Variants in STK32B observed in about 807,000 individuals in gnomAD.
STK32B encodes the protein serine/threonine-protein kinase 32B.
STK32B carries 43 observed loss-of-function variants against 52.6 expected under a neutral mutation model. The ratio of observed to expected loss-of-function variants is 0.82; its 90% CI spans 0.64 to 1.05. STK32B has a LOEUF of 1.05. Among genes scored for constraint, STK32B ranks in the 50% least tolerant of loss-of-function variants. STK32B has a pLI of 0.00. For synonymous variants in STK32B, 238 were observed against 204.3 expected, an observed-to-expected ratio of 1.17 and a Z score of -1.41; for missense variants, 621 against 534.6, an observed-to-expected ratio of 1.16 and a Z score of -1.59.
In STK32B at chr4:5,191,543, C is replaced by T. The variant is rs376135187; in HGVS notation, c.260+23093C>T. Among the ~76,000 whole-genome samples, 367 of 151,954 alleles carry T rather than the reference C, an allele frequency of 2.4e-3. 2 individuals carry two copies. The highest frequency in any genetic ancestry group is 4.6e-3 in the Non-Finnish European group (312 of 67,942). On this transcript the variant is annotated intron_variant, in intron 3 of 11. Transcript: ENST00000282908. ...TGCTGGGATTACAGGTGTGAGCCAC[C>T]GCGCCTTGCCTCCTGCATTCCTTTT...
intron 11 of STK32B, among the ~76,000 whole-genome samples, chr4:5,483,486 T>G (rs1259455393): frequency 2.0e-5 from 3 of 152,160 alleles, no homozygotes; most frequent in African/African-American, 7.2e-5. Context: ...CTTTTCTTCT[T>G]TATTAGTCTT....
intron 3 of STK32B, among the ~76,000 whole-genome samples, chr4:5,276,366 A>C (rs1331158152): frequency 6.6e-6 from 1 of 152,138 alleles, no homozygotes; most frequent in Non-Finnish European, 1.5e-5. Flanking sequence ...GACTTGTTAG[A>C]ATGTGCATCC....
chr4:5,313,702 C>T (rs75948311), intron 3 of STK32B, among the ~76,000 whole-genome samples: 10,950 of 152,152 alleles, frequency 0.072, 416 homozygotes, highest in South Asian at 0.098. Flanking sequence ...TGGTCTACAA[C>T]ATTCGTGCAT....
At chr4:5,356,607 A>T (rs1429880319) in intron 4 of STK32B, among the ~76,000 whole-genome samples, 1 of 152,130 alleles carries the variant, frequency 6.6e-6, no homozygotes, top group African/African-American at 2.4e-5. Flanking sequence ...CTTATTGTGT[A>T]TATGACACAT....
At chr4:5,325,061 G>A (rs1731782759) in intron 3 of STK32B, among the ~76,000 whole-genome samples, 1 of 152,128 alleles carries the variant, frequency 6.6e-6, no homozygotes, top group African/African-American at 2.4e-5. Flanking sequence ...CTGGTATGAA[G>A]AAAGTTCATC....
chr4:5,192,603 A>G (rs961710658), intron 3 of STK32B, among the ~76,000 whole-genome samples: 8 of 152,232 alleles, frequency 5.3e-5, no homozygotes, highest in African/African-American at 1.7e-4. Context: ...GGATTGGCCA[A>G]TAAACATTGT....
intron 7 of STK32B, among the ~76,000 whole-genome samples, chr4:5,454,885 C>T (rs139270329): frequency 3.3e-5 from 5 of 151,994 alleles, no homozygotes; most frequent in African/African-American, 1.2e-4. Flanking sequence ...AGAAAATGCT[C>T]GTTCATGGAA....
At chr4:5,095,192 G>T (rs1290727245) in intron 1 of STK32B, among the ~76,000 whole-genome samples, 2 of 152,194 alleles carry the variant, frequency 1.3e-5, no homozygotes, top group Admixed American at 6.5e-5. Flanking sequence ...TCAGGTTCAG[G>T]TGGGTAAGGG....
chr4:5,039,388 G>T, the STK32B span, among the ~76,000 whole-genome samples: 6,000 of 152,118 alleles, frequency 0.039, 160 homozygotes, highest in Non-Finnish European at 0.061. Flanking sequence ...ACACAAATAC[G>T]CACATTAGCC....
chr4:5,496,716 C>G (rs1720290984), intron 11 of STK32B, among the ~76,000 whole-genome samples: 1 of 151,434 alleles, frequency 6.6e-6, no homozygotes, highest in South Asian at 2.1e-4. Flanking sequence ...TTTTCCTGGT[C>G]TTAAGTCTCT....
At chr4:5,492,256 G>A (rs1719798857) in intron 11 of STK32B, among the ~76,000 whole-genome samples, 1 of 152,006 alleles carries the variant, frequency 6.6e-6, no homozygotes, top group Non-Finnish European at 1.5e-5. Flanking sequence ...TTATTTCATT[G>A]AGCAGTGGCT....
Position 5,375,135 on chromosome 4 carries a change from C to T in STK32B, c.435-23072C>T, listed in dbSNP as rs554055738. ...ACCATCTGGCTTCTGAAACTCCAGG[C>T]GCCCAGCCTGCCATGCACACCCTTC... On this transcript the variant is annotated intron_variant, in intron 4 of 11. Coordinates refer to ENST00000282908, the MANE Select transcript of STK32B (RefSeq NM_018401.3). Among the ~76,000 whole-genome samples the T allele has an allele frequency of 1.6e-4, 25 of 152,280 alleles. No individual in the cohort carries two copies. The South Asian group carries it at 3.9e-3, about 24-fold the overall frequency.
At chr4:5,495,771 T>C (rs2108733819) in intron 11 of STK32B, among the ~76,000 whole-genome samples, 1 of 152,346 alleles carries the variant, frequency 6.6e-6, no homozygotes, top group South Asian at 2.1e-4. Flanking sequence ...ATGTCCTTTC[T>C]GTTTGTTAGT....
At chr4:5,198,483 C>A (rs926811350) in intron 3 of STK32B, among the ~76,000 whole-genome samples, 1 of 152,148 alleles carries the variant, frequency 6.6e-6, no homozygotes, top group African/African-American at 2.4e-5. Flanking sequence ...TCAACCAATG[C>A]TTTCTGCATG....
chr4:5,459,336 G>C (rs1378800344), intron 8 of STK32B, among the ~76,000 whole-genome samples: 1 of 148,150 alleles, frequency 6.7e-6, no homozygotes, highest in Admixed American at 7.0e-5. Context: ...GTCCCATTTG[G>C]TCTCATCCTA....
intron 3 of STK32B, among the ~76,000 whole-genome samples, chr4:5,328,756 G>A (rs1280983761): frequency 1.3e-5 from 2 of 152,226 alleles, no homozygotes; most frequent in Non-Finnish European, 2.9e-5. Context: ...ACTTACTGGA[G>A]GCAGGGTTGC....
In STK32B at chr4:5,354,163, A is replaced by G. The variant is rs1160513088; in HGVS notation, c.434+22770A>G. 3.3e-5 allele frequency among the ~76,000 whole-genome samples: 5 copies of G among 152,248 alleles called. No individual in the cohort carries two copies. The East Asian group carries it at 9.6e-4, about 29-fold the overall frequency. ...GGACAAATTGTGAGTGTTCTTACTC[A>G]TGTGCAAGAGCTGAAAATATTGATC... is the stretch of plus-strand genomic sequence containing the variant. On this transcript the variant is annotated intron_variant, in intron 4 of 11. Transcript: ENST00000282908.
At chr4:5,468,134 C>A in intron 11 of STK32B, 64 bp downstream of exon 11, 1 of 1,537,668 alleles carries the variant, frequency 6.5e-7, no homozygotes, top group Non-Finnish European at 9.0e-7. Flanking sequence ...GTCCTCCTGG[C>A]AGAATCACAG....
chr4:5,446,544 A>C (rs1369262225), intron 6 of STK32B, 129 bp from the exon 7 acceptor site: 1 of 765,216 alleles, frequency 1.3e-6, no homozygotes, highest in Non-Finnish European at 2.1e-6. Flanking sequence ...GCAGCAGAGC[A>C]AAACTCTATC....
Sources: allele counts gnomAD v4.1 joint callset (sites outside exome capture counted in the v4.1 genomes callset), GRCh38; gene constraint gnomAD v4.1.1; transcripts MANE v1.5; gene names NCBI Gene and HGNC (gene_info 2026-07-23, HGNC 2026-07-21).